The following DYNC2H1 variants were observed in gnomAD, a reference collection of about 807,000 sequenced individuals.
The protein encoded by DYNC2H1 is cytoplasmic dynein 2 heavy chain 1.
Under a neutral mutation model 570.0 loss-of-function variants are expected in DYNC2H1, and 410 were observed. The observed-to-expected ratio is 0.72, with a 90% CI of 0.66 to 0.78. The LOEUF is 0.78. Among genes scored for constraint, DYNC2H1 ranks in the 30% least tolerant of loss-of-function variants. The pLI, the probability that DYNC2H1 is intolerant of heterozygous loss-of-function variation, is 0.00. For missense variants in DYNC2H1, 4,865 were observed against 5,046.4 expected (o/e 0.96, Z 1.09); for synonymous variants, 1,688 against 1,677.6 (o/e 1.01, Z -0.15).
At chr11:103,329,120 A>C (rs1938642034) in intron 82 of DYNC2H1, among the ~76,000 whole-genome samples, 1 of 152,102 alleles carries the variant, frequency 6.6e-6, no homozygotes. Context: ...TGAGAATTAG[A>C]GATTGATTGC....
At chr11:103,400,232 C>T (rs915206208) in intron 84 of DYNC2H1, among the ~76,000 whole-genome samples, 2 of 152,154 alleles carry the variant, frequency 1.3e-5, no homozygotes, top group African/African-American at 4.8e-5. Context: ...TCTAGTAACA[C>T]ACACAAAAAT....
At chr11:103,315,628 C>T (rs3886588) in intron 79 of DYNC2H1, among the ~76,000 whole-genome samples, 25,189 of 151,946 alleles carry the variant, frequency 0.17, 2,278 homozygotes, top group Admixed American at 0.25. Context: ...TGTCACCCCT[C>T]TCCCCATTAG....
intron 59 of DYNC2H1, among the ~76,000 whole-genome samples, chr11:103,224,438 C>T (rs1446791939): frequency 1.3e-5 from 2 of 152,058 alleles, no homozygotes; most frequent in African/African-American, 2.4e-5. Context: ...AAGTCCAATG[C>T]CTCATTCTTA....
At position 103,461,328 on chromosome 11, in the gene DYNC2H1, T is replaced by C. The variant is rs61904794; in HGVS notation, c.12648+4972T>C. ...GTTTTTTTTAAAATCTCTATCACCA[T>C]AGACTGAATTAAACAGTGAGGCTGT... On this transcript the variant is annotated intron_variant, in intron 87 of 88. Transcript: ENST00000375735. This position sits in a 1 kb window ranked among gnomAD's most constrained non-coding sequence, Gnocchi z 4.8. Among the ~76,000 whole-genome samples the C allele has an allele frequency of 0.16, 24,771 of 152,138 alleles. 2,174 individuals are homozygous for C. The highest frequency in any genetic ancestry group is 0.25 in the Admixed American group (3,745 of 15,274).
intron 70 of DYNC2H1, among the ~76,000 whole-genome samples, chr11:103,267,656 T>G (rs1357024020): frequency 2.6e-5 from 4 of 152,034 alleles, no homozygotes; most frequent in Non-Finnish European, 4.4e-5. Context: ...TTAAAATATT[T>G]TTAGAGTTTC....
At chr11:103,167,599 C>A (rs1591349844) in intron 31 of DYNC2H1, among the ~76,000 whole-genome samples, 1 of 152,184 alleles carries the variant, frequency 6.6e-6, no homozygotes, top group South Asian at 2.1e-4. Context: ...TTGCAGATAA[C>A]CTCAACAGGT....
At chr11:103,219,120 T>G (rs1186565420) in intron 55 of DYNC2H1, among the ~76,000 whole-genome samples, 1 of 152,196 alleles carries the variant, frequency 6.6e-6, no homozygotes, top group Non-Finnish European at 1.5e-5. Context: ...GATCTGGGCA[T>G]GGCAATACAT....
chr11:103,462,844 T>C (rs185311181), intron 87 of DYNC2H1, among the ~76,000 whole-genome samples: 73 of 152,314 alleles, frequency 4.8e-4, no homozygotes, highest in African/African-American at 1.6e-3. Flanking sequence ...CTCTTAATGT[T>C]GACCTGTATA....
chr11:103,174,220 G>T (rs1054738595), intron 36 of DYNC2H1, 50 bp downstream of exon 36: 2 of 1,425,570 alleles, frequency 1.4e-6, no homozygotes, highest in Admixed American at 2.1e-5. Context: ...AAACATAAGC[G>T]TTAATTTAGA....
chr11:103,164,679 G>A (rs746361449), intron 30 of DYNC2H1, among the ~76,000 whole-genome samples: 53 of 152,064 alleles, frequency 3.5e-4, no homozygotes, highest in Middle Eastern at 3.2e-3. Context: ...CATTTTGAAG[G>A]TTATTTCATA....
chr11:103,198,536 A>G (rs886139820), intron 48 of DYNC2H1, among the ~76,000 whole-genome samples: 21 of 152,160 alleles, frequency 1.4e-4, no homozygotes, highest in African/African-American at 4.8e-4. Context: ...TTTCTCTTTT[A>G]AAGTTTAGTT....
intron 85 of DYNC2H1, among the ~76,000 whole-genome samples, chr11:103,440,850 A>AT (rs1391517983): frequency 6.6e-6 from 1 of 152,116 alleles, no homozygotes; most frequent in Non-Finnish European, 1.5e-5. Context: ...TTCAAAATAC[A>AT]TTGAGGTACC....
chr11:103,131,523 T>C (rs1473466801), intron 13 of DYNC2H1, among the ~76,000 whole-genome samples: 4 of 152,142 alleles, frequency 2.6e-5, no homozygotes, highest in African/African-American at 9.7e-5. Context: ...CAGTATTCTT[T>C]TTTTTCCCTG....
chr11:103,255,111 A>G (rs1864999634), intron 66 of DYNC2H1, among the ~76,000 whole-genome samples: 2 of 152,176 alleles, frequency 1.3e-5, no homozygotes, highest in South Asian at 2.1e-4. Context: ...TTAAAAAAAT[A>G]GTAATCTCAT....
Position 103,325,762 on chromosome 11 carries a change from G to A in DYNC2H1, c.12039+1772G>A, listed in dbSNP as rs1000897877. On this transcript the variant is annotated intron_variant, in intron 82 of 88. Coordinates refer to ENST00000375735, the MANE Select transcript of DYNC2H1 (RefSeq NM_001377.3). This position sits in a 1 kb window ranked among gnomAD's most constrained non-coding sequence, Gnocchi z 4.8. ...CTGGATACCTTGGATTCTTTGGATC[G>A]GATTTCAACTTTCTCCTGAATTTTG... Among the ~76,000 whole-genome samples, 1 of 152,176 alleles carries A rather than the reference G, an allele frequency of 6.6e-6. No individual in the cohort carries two copies. Among genetic ancestry groups the A allele is most frequent in the Admixed American group, 6.5e-5 (1 of 15,290 alleles).
intron 84 of DYNC2H1, among the ~76,000 whole-genome samples, chr11:103,420,320 T>C (rs1943437903): frequency 6.6e-6 from 1 of 151,914 alleles, no homozygotes; most frequent in Admixed American, 6.6e-5. Context: ...AACAAGAAGA[T>C]CAACCCCAAG....
At chr11:103,441,122 C>T (rs947105284) in intron 85 of DYNC2H1, among the ~76,000 whole-genome samples, 1 of 152,082 alleles carries the variant, frequency 6.6e-6, no homozygotes, top group East Asian at 1.9e-4. Flanking sequence ...CTCTGCTTTT[C>T]GTTCCCAGTT....
chr11:103,379,341 T>G (rs1941542065), intron 83 of DYNC2H1, among the ~76,000 whole-genome samples: 1 of 152,196 alleles, frequency 6.6e-6, no homozygotes, highest in Non-Finnish European at 1.5e-5. Flanking sequence ...TGGGAGATAG[T>G]TTTTCATTTT....
rs1861069201 is a variant in DYNC2H1, at chr11:103,161,016, A to C, written c.4463A>C (p.Asn1488Thr). The C allele has an allele frequency of 2.6e-6, 4 of 1,531,628 alleles. No homozygotes were observed. Among genetic ancestry groups the C allele is most frequent in the East Asian group, 4.8e-5 (2 of 42,004 alleles). The allele number at this position is 1,531,628 out of a possible 1,614,324, so 94.9% of individuals were successfully genotyped here. A position where few individuals can be genotyped will look rare whatever the true frequency, so the allele number is the denominator to read the frequency against. Reference sequence around the variant, plus strand: ...GAGGGAGAAGTTGTACCTTTTAAAAATAAAGTTCCTCTATCAAATAATGTA... The same window carrying C: ...GAGGGAGAAGTTGTACCTTTTAAAACTAAAGTTCCTCTATCAAATAATGTA... ...SLEGEVVPFK[N>T]KVPLSNNVET... Residue 1488 changes from asparagine to threonine, a missense_variant, in exon 29 of 89, where the codon AAT becomes ACT. Asn to Thr is a moderately conservative substitution (Grantham distance 65). Around this residue, in one of 5 missense-constraint regions of DYNC2H1, gnomAD observed 1,936 missense variants for 1,962.1 expected, o/e 0.99. Transcript: ENST00000375735.
Sources: allele counts gnomAD v4.1 joint callset (sites outside exome capture counted in the v4.1 genomes callset), GRCh38; gene constraint gnomAD v4.1.1; regional missense constraint gnomAD v4.1.1; non-coding constraint Gnocchi (gnomAD v3.1); transcripts MANE v1.5; gene names NCBI Gene and HGNC (gene_info 2026-07-23, HGNC 2026-07-21).